Variants in KCNG2 observed in about 807,000 individuals in gnomAD.
KCNG2 encodes the protein potassium voltage-gated channel modifier subfamily G member 2.
KCNG2 carries 7 observed loss-of-function variants against 12.3 expected under a neutral mutation model. The observed-to-expected ratio is 0.57, with a 90% CI of 0.32 to 1.07. The LOEUF (loss-of-function observed/expected upper bound fraction) is 1.07. KCNG2 is among the 50% of genes least tolerant of loss of function. KCNG2 has a pLI of 0.04. For missense variants in KCNG2, 703 were observed against 726.0 expected (o/e 0.97, Z 0.36); for synonymous variants, 414 against 351.4 (o/e 1.18, Z -1.99).
chr18:79,865,002 T>C (rs1979410629), intron 3 of KCNG2, among the ~76,000 whole-genome samples: 1 of 145,936 alleles, frequency 6.9e-6, no homozygotes, highest in African/African-American at 2.6e-5. Flanking sequence ...CTGAGAGGTC[T>C]GGGTGCTGAG....
intron 3 of KCNG2, among the ~76,000 whole-genome samples, chr18:79,879,139 G>A (rs936730448): frequency 6.6e-6 from 1 of 152,240 alleles, no homozygotes; most frequent in African/African-American, 2.4e-5. Flanking sequence ...TCCCTGCCTA[G>A]GATGGCTGCA....
chr18:79,856,748 C>T (rs777763737), intron 2 of KCNG2, among the ~76,000 whole-genome samples: 33 of 152,158 alleles, frequency 2.2e-4, no homozygotes, highest in Admixed American at 7.2e-4. Flanking sequence ...TAGGCTTCTT[C>T]GACAAACTGG....
At chr18:79,818,271 C>G (rs1263669608) in intron 1 of KCNG2, among the ~76,000 whole-genome samples, 11 of 152,226 alleles carry the variant, frequency 7.2e-5, no homozygotes, top group Non-Finnish European at 1.6e-4. Flanking sequence ...CAGATGGAAA[C>G]AGCTGAGTGA....
At chr18:79,846,374 C>CAA (rs11421957) in intron 1 of KCNG2, among the ~76,000 whole-genome samples, 1,436 of 60,482 alleles carry the variant, frequency 0.024, 106 homozygotes, top group East Asian at 0.051. Flanking sequence ...GACTCCGTCT[C>CAA]AAAAAAAAAA....
At position 79,863,771 on chromosome 18, in the gene KCNG2, T is replaced by A; in HGVS notation, c.104T>A (p.Leu35Gln). The change falls in exon 3 of 4, where the codon CTG becomes CAG. Residue 35 changes from leucine (L) to glutamine (Q), a missense_variant. Transcript: ENST00000316249. ...CGCGTGCGCCTGGCATGGGCCGCGC[T>A]GGCGCGATGCCCCCTCGCGCGCCTG... is the stretch of plus-strand genomic sequence containing the variant. ...GCRVRLAWAA[L>Q]ARCPLARLER... 2 of 1,263,982 alleles carry A rather than the reference T, an allele frequency of 1.6e-6. No homozygotes were observed. Among genetic ancestry groups the A allele is most frequent in the Non-Finnish European group, 2.0e-6 (2 of 999,904 alleles). The allele number at this position is 1,263,982 out of a possible 1,614,324, so 78.3% of individuals were successfully genotyped here.
intron 1 of KCNG2, among the ~76,000 whole-genome samples, chr18:79,833,384 G>A (rs567358366): frequency 6.6e-6 from 1 of 152,160 alleles, no homozygotes; most frequent in Non-Finnish European, 1.5e-5. Flanking sequence ...CAAGTGATAT[G>A]CCTGCCTCAG....
In KCNG2 at chr18:79,899,365, G is replaced by C. The variant is rs772194814; in HGVS notation, c.950G>C (p.Arg317Pro). The C allele has an allele frequency of 6.4e-7, 1 of 1,554,250 alleles. No individual in the cohort carries two copies. The highest frequency in any genetic ancestry group is 1.9e-5 in the Admixed American group (1 of 52,632). The change falls in exon 4 of 4, where the codon CGC becomes CCC. Residue 317 changes from arginine (R) to proline (P), a missense_variant. By Grantham distance (103) the Arg-to-Pro change is moderately radical (BLOSUM62 -2). Transcript: ENST00000316249. ...GLRSLGLTMR[R>P]CAREFGLLLL... ...CGTTCGCTGGGCCTGACCATGCGCCGCTGCGCGCGCGAGTTCGGGCTGCTG... is the reference window on the plus strand; with the variant it reads ...CGTTCGCTGGGCCTGACCATGCGCCCCTGCGCGCGCGAGTTCGGGCTGCTG...
intron 1 of KCNG2, among the ~76,000 whole-genome samples, chr18:79,827,182 A>G (rs1011244508): frequency 6.6e-6 from 1 of 152,078 alleles, no homozygotes; most frequent in Non-Finnish European, 1.5e-5. Context: ...GCGCCCCCAC[A>G]TGGTCATGGA....
At chr18:79,857,064 G>GCC (rs147399550) in intron 2 of KCNG2, among the ~76,000 whole-genome samples, 5 of 55,274 alleles carry the variant, frequency 9.0e-5, no homozygotes, top group Admixed American at 1.8e-4. Context: ...CCCCACAGCC[G>GCC]CCCCCACAGC....
At chr18:79,887,679 G>A (rs1434047977) in intron 3 of KCNG2, among the ~76,000 whole-genome samples, 2 of 152,156 alleles carry the variant, frequency 1.3e-5, no homozygotes, top group East Asian at 1.9e-4. Flanking sequence ...GGTTCAGAGC[G>A]CCTAGGCCCC....
At chr18:79,829,920 G>A (rs1978291054) in intron 1 of KCNG2, among the ~76,000 whole-genome samples, 1 of 152,206 alleles carries the variant, frequency 6.6e-6, no homozygotes, top group Non-Finnish European at 1.5e-5. Context: ...CCAATTCTGC[G>A]AAGCTATTAT....
chr18:79,799,588 A>T (rs756244137), intron 1 of KCNG2, among the ~76,000 whole-genome samples: 1 of 152,264 alleles, frequency 6.6e-6, no homozygotes, highest in South Asian at 2.1e-4. Flanking sequence ...AACAACTTCC[A>T]GGTCTGTCCA....
Position 79,800,982 on chromosome 18 carries a change from C to T in KCNG2, c.-115+2968C>T, listed in dbSNP as rs543200404. Among the ~76,000 whole-genome samples, 13 of 152,350 alleles carry T rather than the reference C, an allele frequency of 8.5e-5. No homozygotes were observed. Among genetic ancestry groups the T allele is most frequent in the South Asian group, 8.3e-4 (4 of 4,832 alleles). On this transcript the variant is annotated intron_variant, in intron 1 of 3. Coordinates refer to ENST00000316249, the MANE Select transcript of KCNG2 (RefSeq NM_012283.2). The surrounding 1 kb of genome is among the most constrained non-coding windows in gnomAD (Gnocchi z 4.0). ...CAGGCAGCTGCCAACAGTCTGGCCA[C>T]GAGGAGCTCCGTGCTGTTGAGGCAC...
intron 3 of KCNG2, among the ~76,000 whole-genome samples, chr18:79,898,359 T>C (rs1485141075): frequency 6.6e-6 from 1 of 152,186 alleles, no homozygotes; most frequent in African/African-American, 2.4e-5. Context: ...CTGGAATCAC[T>C]GCAGCAAGGG....
At chr18:79,885,821 G>C (rs960640454) in intron 3 of KCNG2, among the ~76,000 whole-genome samples, 3 of 149,222 alleles carry the variant, frequency 2.0e-5, no homozygotes, top group Non-Finnish European at 4.5e-5. Flanking sequence ...AGGGACGTGG[G>C]GACGGGGACA....
intron 1 of KCNG2, among the ~76,000 whole-genome samples, chr18:79,823,879 C>T (rs543559762): frequency 6.6e-6 from 1 of 152,164 alleles, no homozygotes; most frequent in East Asian, 1.9e-4. Context: ...GAGCATGGCT[C>T]GCTTTCCATT....
intron 1 of KCNG2, among the ~76,000 whole-genome samples, chr18:79,854,972 C>T (rs1165341523): frequency 1.3e-5 from 2 of 152,148 alleles, no homozygotes; most frequent in Non-Finnish European, 2.9e-5. Flanking sequence ...TCTTGTCTAC[C>T]GACTGTACTT....
intron 1 of KCNG2, among the ~76,000 whole-genome samples, chr18:79,798,599 C>G (rs927438368): frequency 1.3e-5 from 2 of 152,234 alleles, no homozygotes; most frequent in Non-Finnish European, 2.9e-5. Context: ...CACCCCTACT[C>G]TGCCTCCTCC....
At chr18:79,842,991 G>A (rs1485766818) in intron 1 of KCNG2, among the ~76,000 whole-genome samples, 1 of 152,176 alleles carries the variant, frequency 6.6e-6, no homozygotes, top group Non-Finnish European at 1.5e-5. Flanking sequence ...TAAACATCCA[G>A]ATCCATGAAG....
Sources: gnomAD v4.1 joint callset for allele counts (sites outside exome capture counted in the v4.1 genomes callset) on GRCh38, gnomAD v4.1.1 for gene constraint, Gnocchi (gnomAD v3.1) non-coding constraint, MANE v1.5 for transcripts, NCBI Gene and HGNC (gene_info 2026-07-23, HGNC 2026-07-21) for gene names.